The following PRIM2 variants were observed in gnomAD, a reference collection of about 807,000 sequenced individuals.
PRIM2 encodes DNA primase large subunit.
In PRIM2, 39 loss-of-function variants were observed where a neutral mutation model predicts 67.3. That is an observed-to-expected ratio of 0.58 (90% CI 0.45 to 0.76). The LOEUF is 0.76. Ranked by LOEUF, PRIM2 falls within the 30% of genes least tolerant of loss-of-function variation. The pLI is 0.00. For synonymous variants in PRIM2, 143 were observed against 198.7 expected (o/e 0.72, Z 2.36); for missense variants, 398 against 598.7 (o/e 0.66, Z 3.50).
intron 7 of PRIM2, among the ~76,000 whole-genome samples, chr6:57,479,749 G>GT (rs1393173472): frequency 1.3e-5 from 2 of 152,174 alleles, no homozygotes; most frequent in African/African-American, 4.8e-5. Flanking sequence ...TTAAGAGTGT[G>GT]TATGTGTTGT....
intron 5 of PRIM2, among the ~76,000 whole-genome samples, chr6:57,365,949 CAAAAAAAA>C (rs5876544): frequency 1.6e-5 from 1 of 62,646 alleles, no homozygotes; most frequent in Non-Finnish European, 3.0e-5. Context: ...GACCATATCT[CAAAAAAAA>C]AAAAAAAAAA....
chr6:57,257,033 A>G, the PRIM2 span, among the ~76,000 whole-genome samples: 1 of 152,134 alleles, frequency 6.6e-6, no homozygotes, highest in East Asian at 1.9e-4. Context: ...CAGATATCAC[A>G]TAGGTATTTT....
chr6:57,418,635 C>T (rs189825512), intron 7 of PRIM2, among the ~76,000 whole-genome samples: 5 of 151,612 alleles, frequency 3.3e-5, no homozygotes, highest in South Asian at 2.1e-4. Flanking sequence ...CTCTTGACCT[C>T]GTGATCCACC....
At chr6:57,605,340 G>A (rs1188341608) in intron 11 of PRIM2, among the ~76,000 whole-genome samples, 14 of 152,152 alleles carry the variant, frequency 9.2e-5, no homozygotes, top group African/African-American at 3.4e-4. Context: ...AATAGTTTTG[G>A]TAGGATTGGT....
the PRIM2 span, among the ~76,000 whole-genome samples, chr6:57,234,382 T>C: frequency 1.3e-5 from 2 of 152,222 alleles, no homozygotes; most frequent in Non-Finnish European, 2.9e-5. Flanking sequence ...AGCATCACTG[T>C]TGGTATTCTC....
chr6:57,490,877 C>T (rs1401786317), intron 7 of PRIM2, among the ~76,000 whole-genome samples: 2 of 152,136 alleles, frequency 1.3e-5, no homozygotes, highest in Admixed American at 1.3e-4. Flanking sequence ...GTTGGGATTA[C>T]AGGTGTGAGT....
At chr6:57,398,696 T>C (rs1014055741) in intron 7 of PRIM2, among the ~76,000 whole-genome samples, 1 of 152,200 alleles carries the variant, frequency 6.6e-6, no homozygotes, top group Admixed American at 6.5e-5. Context: ...GTCCTAAATA[T>C]CTTCGTTAAT....
chr6:57,273,230 T>C, the PRIM2 span, among the ~76,000 whole-genome samples: 1 of 152,230 alleles, frequency 6.6e-6, no homozygotes, highest in Non-Finnish European at 1.5e-5. Flanking sequence ...ATTTTCCAAC[T>C]TGGTTCCATT....
At chr6:57,544,099 G>C (rs1361624635) in intron 10 of PRIM2, among the ~76,000 whole-genome samples, 1 of 152,154 alleles carries the variant, frequency 6.6e-6, no homozygotes, top group African/African-American at 2.4e-5. Context: ...TCAAAGACAG[G>C]TTTATTTTGG....
intron 10 of PRIM2, among the ~76,000 whole-genome samples, chr6:57,545,193 A>C (rs1244780716): frequency 3.9e-5 from 6 of 152,128 alleles, no homozygotes; most frequent in African/African-American, 1.4e-4. Context: ...TTGGTAGAAT[A>C]TACAAATATA....
At chr6:57,521,727 A>T (rs1336338413) in intron 8 of PRIM2, among the ~76,000 whole-genome samples, 1 of 152,188 alleles carries the variant, frequency 6.6e-6, no homozygotes, top group African/African-American at 2.4e-5. Flanking sequence ...AACCTGCCAG[A>T]TAGAAAGGAG....
rs575958629 is a variant in PRIM2, at chr6:57,422,158, C to CTTTTTTTTTTTTTTTTTTTTTTTT, written c.693+40004_693+40005insTTTTTTTTTTTTTTTTTTTTTTTT. Reference sequence around the variant, plus strand: ...AAATTCAAAAGTATTTCTTTTCTTTCTTTTTTTTTTTTTTGAGATGGAGTC... The same window carrying CTTTTTTTTTTTTTTTTTTTTTTTT: ...AAATTCAAAAGTATTTCTTTTCTTTCTTTTTTTTTTTTTTTTTTTTTTTTTTTTTTTTTTTTTTGAGATGGAGTC... On this transcript the variant is annotated intron_variant, in intron 7 of 13. Coordinates refer to ENST00000615550, the MANE Select transcript of PRIM2 (RefSeq NM_000947.5). 3.3e-3 allele frequency among the ~76,000 whole-genome samples: 345 copies of CTTTTTTTTTTTTTTTTTTTTTTTT among 103,286 alleles called. 21 individuals carry two copies. The highest frequency in any genetic ancestry group is 4.2e-3 in the East Asian group (15 of 3,560). The allele number at this position is 103,286 out of a possible 152,430, so 67.8% of individuals were successfully genotyped here. A position where few individuals can be genotyped will look rare whatever the true frequency, so the allele number is the denominator to read the frequency against.
intron 7 of PRIM2, among the ~76,000 whole-genome samples, chr6:57,396,349 A>G (rs927031433): frequency 1.3e-5 from 2 of 152,142 alleles, no homozygotes; most frequent in African/African-American, 4.8e-5. Context: ...AGGTGGATAT[A>G]TGTTTAGGAT....
chr6:57,240,812 C>T, the PRIM2 span, among the ~76,000 whole-genome samples: 75 of 152,128 alleles, frequency 4.9e-4, no homozygotes, highest in African/African-American at 1.3e-3. Flanking sequence ...TATTAAGCTG[C>T]GCACAGTGGC....
intron 7 of PRIM2, among the ~76,000 whole-genome samples, chr6:57,418,391 T>TTTTG (rs1771348681): frequency 1.1e-5 from 1 of 94,556 alleles, no homozygotes; most frequent in Non-Finnish European, 2.0e-5. Flanking sequence ...TGGTTTTTTT[T>TTTTG]TTTTTTTTTT....
chr6:57,593,649 G>T (rs1776319777), intron 10 of PRIM2, among the ~76,000 whole-genome samples: 1 of 152,174 alleles, frequency 6.6e-6, no homozygotes, highest in African/African-American at 2.4e-5. Flanking sequence ...TCGTGGATAT[G>T]AAGACCTAGA....
intron 10 of PRIM2, among the ~76,000 whole-genome samples, chr6:57,560,887 G>C (rs1479207599): frequency 0.013 from 2,005 of 152,210 alleles, 43 homozygotes; most frequent in African/African-American, 0.046. Flanking sequence ...AGCATAATTC[G>C]TAAGGGCCCT....
At chr6:57,351,420 A>G (rs2127300938) in intron 5 of PRIM2, among the ~76,000 whole-genome samples, 1 of 152,248 alleles carries the variant, frequency 6.6e-6, no homozygotes, top group African/African-American at 2.4e-5. Flanking sequence ...GTTAATGATA[A>G]AGATAATTAT....
intron 10 of PRIM2, among the ~76,000 whole-genome samples, chr6:57,587,532 C>T (rs1486216573): frequency 8.6e-5 from 13 of 151,620 alleles, no homozygotes; most frequent in Admixed American, 6.6e-5. Context: ...GGCGTGGTGG[C>T]GGATGCCTGT....
Sources: gnomAD v4.1 joint callset for allele counts (sites outside exome capture counted in the v4.1 genomes callset) on GRCh38, gnomAD v4.1.1 for gene constraint, MANE v1.5 for transcripts, NCBI Gene and HGNC (gene_info 2026-07-23, HGNC 2026-07-21) for gene names.